NHSL2: variants seen among roughly 807,000 people sequenced by gnomAD.
NHSL2 encodes the protein NHS-like protein 2.
Under a neutral mutation model 53.4 loss-of-function variants are expected in NHSL2, and 27 were observed. The ratio of observed to expected loss-of-function variants is 0.51; its 90% CI spans 0.37 to 0.70. The LOEUF is 0.70. Ranked by LOEUF, NHSL2 falls within the 30% of genes least tolerant of loss-of-function variation. The pLI is 0.00. For synonymous variants in NHSL2, 408 were observed against 404.1 expected (o/e 1.01, Z -0.12); for missense variants, 892 against 980.1 (o/e 0.91, Z 1.20).
intron 1 of NHSL2, among the ~76,000 whole-genome samples, chrX:71,983,611 TA>T (rs1428043379): frequency 9.7e-5 from 10 of 103,137 alleles, no homozygotes; most frequent in Admixed American, 6.2e-4. Flanking sequence ...ACCCTGTCTC[TA>T]AAAAAAAAAT....
intron 1 of NHSL2, among the ~76,000 whole-genome samples, chrX:72,097,007 T>A (rs932711390): frequency 2.7e-5 from 3 of 112,451 alleles, no homozygotes; most frequent in Non-Finnish European, 5.6e-5. Context: ...TAATTTTGTA[T>A]AATTTAACAA....
chrX:71,965,562 T>C (rs760440417), intron 1 of NHSL2, among the ~76,000 whole-genome samples: 2 of 112,120 alleles, frequency 1.8e-5, no homozygotes, highest in East Asian at 5.6e-4. Flanking sequence ...CAACTCTTCT[T>C]CTCCTTCAAT....
At chrX:72,069,882 G>A (rs989485597) in intron 1 of NHSL2, 6 of 302,558 alleles carry the variant, frequency 2.0e-5, no homozygotes, top group Non-Finnish European at 3.4e-5. Context: ...GAACCCGAGG[G>A]AAATGAGGGT....
intron 1 of NHSL2, among the ~76,000 whole-genome samples, chrX:71,913,502 C>CT (rs2041614141): frequency 8.9e-6 from 1 of 112,199 alleles, no homozygotes; most frequent in Non-Finnish European, 1.9e-5. Flanking sequence ...ATGTCTTGCC[C>CT]TTTTTTCTTC....
At chrX:71,930,116 G>A (rs1047535864) in intron 1 of NHSL2, among the ~76,000 whole-genome samples, 7 of 111,530 alleles carry the variant, frequency 6.3e-5, no homozygotes, top group Non-Finnish European at 1.3e-4. Context: ...TTGCAATTAG[G>A]GGTGGCCATG....
rs1158660202 is a variant in NHSL2 at position 72,066,913 on chromosome X, T to G, written c.281-65166T>G. On this transcript the variant is annotated intron_variant, in intron 1 of 7. Transcript: ENST00000633930. ...GGGAAGCCGAAGTGGGAGGATCACT[T>G]AAGCCCAGGAGTTCAAGACCAGCCT... Among the ~76,000 whole-genome samples the G allele has an allele frequency of 1.6e-4, 18 of 111,970 alleles. No individual in the cohort carries two copies. In the Admixed American group the frequency reaches 1.7e-3, roughly 11 times the overall value.
At chrX:72,091,845 C>CT (rs1458832241) in intron 1 of NHSL2, among the ~76,000 whole-genome samples, 1 of 111,944 alleles carries the variant, frequency 8.9e-6, no homozygotes, top group Non-Finnish European at 1.9e-5. Context: ...TTGATCCTTA[C>CT]TACCCTCTTT....
At chrX:71,971,119 T>C (rs1413151179) in intron 1 of NHSL2, among the ~76,000 whole-genome samples, 1 of 111,921 alleles carries the variant, frequency 8.9e-6, no homozygotes. Context: ...TTGTTTTGCA[T>C]TAAGTATTTT....
intron 1 of NHSL2, among the ~76,000 whole-genome samples, chrX:72,048,079 A>G (rs75819445): frequency 0.024 from 382 of 16,083 alleles, 3 homozygotes; most frequent in Middle Eastern, 0.037. Flanking sequence ...TGATAACAAT[A>G]ATAATAATAA....
At chrX:71,964,045 A>ATATATATG (rs2041888770) in intron 1 of NHSL2, among the ~76,000 whole-genome samples, 1 of 72,757 alleles carries the variant, frequency 1.4e-5, no homozygotes, top group African/African-American at 6.8e-5. Context: ...ATATATATGT[A>ATATATATG]TATATATATA....
At chrX:72,138,214 T>C (rs1348306771) in intron 5 of NHSL2, among the ~76,000 whole-genome samples, 1 of 111,898 alleles carries the variant, frequency 8.9e-6, no homozygotes, top group African/African-American at 3.3e-5. Context: ...AGCTGGAAAG[T>C]ATTTGGCAGC....
chrX:72,017,469 T>C (rs774818146), intron 1 of NHSL2, among the ~76,000 whole-genome samples: 2 of 112,775 alleles, frequency 1.8e-5, no homozygotes, highest in Admixed American at 9.3e-5. Context: ...CTCCAGCAAA[T>C]TGTAGGCCCA....
chrX:71,997,075 T>A (rs1040144751), intron 1 of NHSL2, among the ~76,000 whole-genome samples: 1 of 112,322 alleles, frequency 8.9e-6, no homozygotes, highest in Admixed American at 9.4e-5. Flanking sequence ...TTTGTTCCAA[T>A]GGAAACAGAA....
chrX:71,954,347 C>G (rs1034674472), intron 1 of NHSL2, among the ~76,000 whole-genome samples: 1 of 112,229 alleles, frequency 8.9e-6, no homozygotes, highest in African/African-American at 3.2e-5. Flanking sequence ...AGGACTTGCC[C>G]CCGGTTTCCT....
rs1311997704 is a variant in NHSL2 at position 72,152,658 on chromosome X, G to A, written c.*9084G>A. The A allele has an allele frequency of 8.9e-6, 1 of 112,214 alleles. No individual in the cohort carries two copies. Among genetic ancestry groups the A allele is most frequent in the Non-Finnish European group, 1.9e-5 (1 of 53,230 alleles). 9.2% of individuals were successfully genotyped at this position (112,214 alleles called of 1,213,427 possible). A position where few individuals can be genotyped will look rare whatever the true frequency, so the allele number is the denominator to read the frequency against. On this transcript the variant is annotated 3_prime_UTR_variant, in exon 8 of 8. Coordinates refer to ENST00000633930, the MANE Select transcript of NHSL2 (RefSeq NM_001013627.3). ...CTTTAGCTTGATTTCTGTCATTTGA[G>A]CCCAGGGATCTACCCACTTACTGAA... is the stretch of plus-strand genomic sequence containing the variant.
chrX:72,140,197 C>T lies in NHSL2; in HGVS notation c.2649C>T (p.Ser883=). The T allele has an allele frequency of 8.3e-7, 1 of 1,210,786 alleles. No homozygotes were observed. Among genetic ancestry groups the T allele is most frequent in the Non-Finnish European group, 1.1e-6 (1 of 894,893 alleles). The change falls in exon 6 of 8, where the codon AGC becomes AGT. Residue 883 remains serine (S), a synonymous_variant. Transcript: ENST00000633930. The part of the protein sequence containing the change: ...EKPPVARRPP[S]LVHKPPSVPE... ...CTCCGGTGGCCCGGAGGCCTCCAAG[C>T]TTGGTCCACAAGCCACCATCTGTTC...
At chrX:72,022,316 T>C (rs1460987041) in intron 1 of NHSL2, among the ~76,000 whole-genome samples, 1 of 112,658 alleles carries the variant, frequency 8.9e-6, no homozygotes, top group East Asian at 2.7e-4. Flanking sequence ...CCAGAATCTT[T>C]CTTCTCCATT....
rs1333450411 is a variant in NHSL2, at chrX:72,108,016, G to A, written c.281-24063G>A. Among the ~76,000 whole-genome samples the A allele has an allele frequency of 2.7e-5, 3 of 111,969 alleles. No individual in the cohort carries two copies. The East Asian group carries it at 8.4e-4, about 31-fold the overall frequency. ...CGTAAGAGAGCAAGATCTGAGGGAG[G>A]AAGAGCAGCAGGTAGGAGGTTCTTG... On this transcript the variant is annotated intron_variant, in intron 1 of 7. Coordinates refer to ENST00000633930, the MANE Select transcript of NHSL2 (RefSeq NM_001013627.3).
At chrX:72,015,783 T>C (rs1310749423) in intron 1 of NHSL2, among the ~76,000 whole-genome samples, 1 of 112,559 alleles carries the variant, frequency 8.9e-6, no homozygotes, top group Non-Finnish European at 1.9e-5. Flanking sequence ...CATCTGTAAC[T>C]CTCCTTTTGA....
Sources: gnomAD v4.1 joint callset for allele counts (sites outside exome capture counted in the v4.1 genomes callset) on GRCh38, gnomAD v4.1.1 for gene constraint, MANE v1.5 for transcripts, NCBI Gene and HGNC (gene_info 2026-07-23, HGNC 2026-07-21) for gene names.